PHF14: variants seen among roughly 807,000 people sequenced by gnomAD.
The protein encoded by PHF14 is PHD finger protein 14.
Under a neutral mutation model 117.9 loss-of-function variants are expected in PHF14, and 55 were observed. The observed-to-expected ratio is 0.47, with a 90% CI of 0.38 to 0.58. The LOEUF is 0.58. Ranked by LOEUF, PHF14 falls within the 20% of genes least tolerant of loss-of-function variation. The pLI is 0.00. For missense variants in PHF14, 978 were observed against 1,122.2 expected, an observed-to-expected ratio of 0.87 and a Z score of 1.84; for synonymous variants, 409 against 368.6, an observed-to-expected ratio of 1.11 and a Z score of -1.26.
chr7:11,069,197 G>A (rs1027084963), intron 16 of PHF14, among the ~76,000 whole-genome samples: 4 of 152,074 alleles, frequency 2.6e-5, no homozygotes, highest in Non-Finnish European at 4.4e-5. Context: ...GATAAGTGCA[G>A]ATACACCCCC....
chr7:11,132,279 T>G (rs4719258), intron 17 of PHF14, among the ~76,000 whole-genome samples: 67,047 of 150,626 alleles, frequency 0.45, 15,634 homozygotes, highest in East Asian at 0.84. Context: ...TAACCAGGGT[T>G]TTGTTCTGTC....
intron 2 of PHF14, among the ~76,000 whole-genome samples, chr7:10,976,856 A>G (rs1781885679): frequency 1.4e-5 from 2 of 147,026 alleles, no homozygotes; most frequent in South Asian, 4.5e-4. Context: ...CTGCACTCAT[A>G]ATTTACCTTC....
At chr7:11,152,339 G>C (rs184987444) in intron 17 of PHF14, among the ~76,000 whole-genome samples, 242 of 152,248 alleles carry the variant, frequency 1.6e-3, no homozygotes, top group African/African-American at 5.5e-3. Flanking sequence ...ATGTGACCAA[G>C]GGCAGTTCCT....
At chr7:10,998,043 A>G (rs1380117318) in intron 4 of PHF14, among the ~76,000 whole-genome samples, 1 of 152,140 alleles carries the variant, frequency 6.6e-6, no homozygotes. Flanking sequence ...CATGGAAGTG[A>G]CCCAGTGGAA....
chr7:11,014,943 G>A (rs998664040), intron 5 of PHF14: 6 of 150,098 alleles, frequency 4.0e-5, no homozygotes, highest in Non-Finnish European at 5.9e-5. Flanking sequence ...AAAATTAAGA[G>A]TAATTTTCAA....
chr7:11,141,008 C>T (rs1455427869), intron 17 of PHF14, among the ~76,000 whole-genome samples: 1 of 151,952 alleles, frequency 6.6e-6, no homozygotes, highest in Non-Finnish European at 1.5e-5. Flanking sequence ...AAAATATGTT[C>T]TGAGGAACAT....
chr7:11,064,292 T>C (rs765350771), intron 16 of PHF14, among the ~76,000 whole-genome samples: 2 of 151,970 alleles, frequency 1.3e-5, no homozygotes, highest in Non-Finnish European at 2.9e-5. Context: ...GGCACTGTTA[T>C]TGTTTGAAAA....
chr7:11,051,584 A>T (rs757094014), intron 13 of PHF14, 28 bp from the exon 14 acceptor site: 1 of 1,580,590 alleles, frequency 6.3e-7, no homozygotes, highest in Non-Finnish European at 8.6e-7. Context: ...TAATAAATGC[A>T]TGACTTAAAT....
In PHF14 at chr7:11,061,824, G is replaced by T; in HGVS notation, c.2515G>T (p.Glu839Ter). 1 of 1,521,204 alleles carries T rather than the reference G, an allele frequency of 6.6e-7. No individual in the cohort carries two copies. Among genetic ancestry groups the T allele is most frequent in the Non-Finnish European group, 8.8e-7 (1 of 1,135,048 alleles). 94.2% of individuals were successfully genotyped at this position (1,521,204 alleles called of 1,614,324 possible). A position where few individuals can be genotyped will look rare whatever the true frequency, so the allele number is the denominator to read the frequency against. The change falls in exon 15 of 18, where the codon GAG becomes TAG. Residue 839 changes from glutamate to a stop codon, truncating the protein, a stop_gained. Coordinates refer to ENST00000634607, the MANE Select transcript of PHF14 (RefSeq NM_001007157.2). LOFTEE classifies it high-confidence loss of function. ...TRGRKRSFVP[E>*]EEKHEERVPR... ...AGGACGAAAACGAAGCTTCGTTCCT[G>T]AGGAAGAAAAACATGAGGTTGGAAT...
chr7:10,989,584 C>T (rs556728454), intron 3 of PHF14, among the ~76,000 whole-genome samples: 2 of 152,086 alleles, frequency 1.3e-5, no homozygotes, highest in Admixed American at 6.6e-5. Context: ...CAAGCAGACC[C>T]TCTTCTGAAA....
intron 16 of PHF14, among the ~76,000 whole-genome samples, chr7:11,087,837 A>G (rs2128337965): frequency 6.6e-6 from 1 of 152,318 alleles, no homozygotes; most frequent in Non-Finnish European, 1.5e-5. Flanking sequence ...TAAGAAATAA[A>G]TAATTTAGGA....
intron 11 of PHF14, among the ~76,000 whole-genome samples, chr7:11,040,387 C>G (rs561958665): frequency 6.6e-6 from 1 of 151,728 alleles, no homozygotes; most frequent in African/African-American, 2.4e-5. Context: ...TTTTTTAAAC[C>G]TCCTACGTAT....
At chr7:11,136,190 G>A (rs1167015159) in intron 17 of PHF14, among the ~76,000 whole-genome samples, 1 of 152,028 alleles carries the variant, frequency 6.6e-6, no homozygotes, top group Non-Finnish European at 1.5e-5. Context: ...AGGTCAATGT[G>A]GTCACTGTTG....
chr7:11,100,207 A>G (rs1787037616), intron 16 of PHF14, among the ~76,000 whole-genome samples: 1 of 152,102 alleles, frequency 6.6e-6, no homozygotes, highest in Non-Finnish European at 1.5e-5. Context: ...AGACATAATA[A>G]TGAAACGAGG....
intron 16 of PHF14, chr7:11,103,209 A>G (rs1345073483): frequency 1.0e-6 from 1 of 957,462 alleles, no homozygotes; most frequent in Non-Finnish European, 1.2e-6. Context: ...TTAGCATGAA[A>G]TTTTTACTTC....
chr7:11,094,892 T>C (rs1243016087), intron 16 of PHF14, among the ~76,000 whole-genome samples: 3 of 152,196 alleles, frequency 2.0e-5, no homozygotes, highest in African/African-American at 7.2e-5. Context: ...AGCTCTCTCA[T>C]GGCTTGAAAA....
intron 16 of PHF14, among the ~76,000 whole-genome samples, chr7:11,076,850 G>C (rs995548935): frequency 6.6e-6 from 1 of 150,656 alleles, no homozygotes; most frequent in African/African-American, 2.4e-5. Context: ...TTACAGGCAT[G>C]AGTCACTGTG....
intron 17 of PHF14, among the ~76,000 whole-genome samples, chr7:11,148,144 C>T (rs1376226155): frequency 6.6e-6 from 1 of 152,168 alleles, no homozygotes; most frequent in Non-Finnish European, 1.5e-5. Flanking sequence ...TAGACTGCTT[C>T]CTTATCTCTG....
At chr7:11,068,349 CAAAAA>C (rs10659513) in intron 16 of PHF14, among the ~76,000 whole-genome samples, 4 of 66,774 alleles carry the variant, frequency 6.0e-5, no homozygotes, top group Non-Finnish European at 8.4e-5. Context: ...GACTCCGTCT[CAAAAA>C]AAAAAAAAAA....
Sources: gnomAD v4.1 joint callset for allele counts (sites outside exome capture counted in the v4.1 genomes callset) on GRCh38, gnomAD v4.1.1 for gene constraint, MANE v1.5 for transcripts, NCBI Gene and HGNC (gene_info 2026-07-23, HGNC 2026-07-21) for gene names.